Variants in KLHL24 observed in about 807,000 individuals in gnomAD.
KLHL24 encodes kelch-like protein 24.
KLHL24 carries 29 observed loss-of-function variants against 53.4 expected under a neutral mutation model. The ratio of observed to expected loss-of-function variants is 0.54; its 90% CI spans 0.40 to 0.74. KLHL24 has a LOEUF of 0.74. KLHL24 is among the 30% of genes least tolerant of loss of function. KLHL24 has a pLI of 0.00. For missense variants in KLHL24, 504 were observed against 744.0 expected, an observed-to-expected ratio of 0.68 and a Z score of 3.75; for synonymous variants, 222 against 253.7, an observed-to-expected ratio of 0.88 and a Z score of 1.19.
chr3:183,677,330 A>G (rs923258799), intron 7 of KLHL24, among the ~76,000 whole-genome samples: 1 of 152,210 alleles, frequency 6.6e-6, no homozygotes. Context: ...AAGAATTTAT[A>G]GAAAGCGCTT....
At position 183,679,342 on chromosome 3, in the gene KLHL24, ACT is replaced by A. The variant is rs1406753126; in HGVS notation, c.*59_*60del. On this transcript the variant is annotated 3_prime_UTR_variant, in exon 8 of 8. Coordinates refer to ENST00000242810, the MANE Select transcript of KLHL24 (RefSeq NM_017644.3). ...TGATCCAAGATGGGAGGTTTTAAAAACTCTACAGTGGGAACTTCACATATCTC... is the reference window on the plus strand; with the variant it reads ...TGATCCAAGATGGGAGGTTTTAAAAACTACAGTGGGAACTTCACATATCTC... 1.1e-5 allele frequency: 15 copies of A among 1,342,070 alleles called. No homozygotes were observed. Among genetic ancestry groups the A allele is most frequent in the Non-Finnish European group, 1.5e-5 (14 of 941,776 alleles). 83.1% of individuals were successfully genotyped at this position (1,342,070 alleles called of 1,614,324 possible).
intron 1 of KLHL24, chr3:183,643,249 C>T (rs1716740612): frequency 6.6e-6 from 1 of 152,158 alleles, no homozygotes; most frequent in African/African-American, 2.4e-5. Context: ...AACAAAAAAA[C>T]TGTCAAGTAA....
In KLHL24 at chr3:183,672,422, A is replaced by T; in HGVS notation, c.1540A>T (p.Ile514Leu). 6.2e-7 allele frequency: 1 copy of T among 1,613,756 alleles called. No homozygotes were observed. Among genetic ancestry groups the T allele is most frequent in the East Asian group, 2.2e-5 (1 of 44,860 alleles). ...IYVAGGLTKA[I>L]YCYDPVEDYW... Reference sequence around the variant, plus strand: ...TGTTGCCGGTGGACTGACCAAGGCAATATACTGTTACGATCCAGTTGAAGA... The same window carrying T: ...TGTTGCCGGTGGACTGACCAAGGCATTATACTGTTACGATCCAGTTGAAGA... Residue 514 changes from isoleucine (I) to leucine (L), a missense_variant, in exon 7 of 8, where the codon ATA (isoleucine) becomes TTA (leucine). Physicochemically the swap from Ile to Leu is conservative, Grantham distance 5. Coordinates refer to ENST00000242810, the MANE Select transcript of KLHL24 (RefSeq NM_017644.3).
At chr3:183,648,320 A>G (rs1156354527) in intron 2 of KLHL24, among the ~76,000 whole-genome samples, 3 of 152,200 alleles carry the variant, frequency 2.0e-5, no homozygotes, top group Admixed American at 2.0e-4. Flanking sequence ...GATGTTACGT[A>G]TTTTATTTCC....
intron 7 of KLHL24, among the ~76,000 whole-genome samples, chr3:183,673,199 C>T (rs1338055392): frequency 6.6e-6 from 1 of 151,962 alleles, no homozygotes; most frequent in Admixed American, 6.6e-5. Flanking sequence ...GAGTGAGACT[C>T]CGTCTCAAAA....
intron 7 of KLHL24, among the ~76,000 whole-genome samples, chr3:183,676,993 A>C (rs544878411): frequency 1.8e-4 from 27 of 151,900 alleles, no homozygotes; most frequent in African/African-American, 6.5e-4. Context: ...TATATTGATA[A>C]ATTATTGTTC....
intron 1 of KLHL24, among the ~76,000 whole-genome samples, chr3:183,637,581 G>A (rs1715529384): frequency 6.6e-6 from 1 of 152,126 alleles, no homozygotes; most frequent in South Asian, 2.1e-4. Context: ...TGAGTTAATA[G>A]GGTATTTGCG....
At position 183,679,532 on chromosome 3, in the gene KLHL24, TTG is replaced by T. The variant is rs1219850255; in HGVS notation, c.*248_*249del. 1.4e-5 allele frequency: 6 copies of T among 423,416 alleles called. No homozygotes were observed. Among genetic ancestry groups the T allele is most frequent in the Non-Finnish European group, 2.1e-5 (5 of 235,814 alleles). 26.2% of individuals were successfully genotyped at this position (423,416 alleles called of 1,614,324 possible). A position where few individuals can be genotyped will look rare whatever the true frequency, so the allele number is the denominator to read the frequency against. On this transcript the variant is annotated 3_prime_UTR_variant, in exon 8 of 8. Transcript: ENST00000242810. ...TACTTGGCCTTTGAAGAGTGTACCT[TTG>T]TAAGTATTTGTAAGAAGTCTATGTG...
intron 7 of KLHL24, among the ~76,000 whole-genome samples, chr3:183,675,219 A>G (rs1298249543): frequency 1.3e-5 from 2 of 152,192 alleles, no homozygotes; most frequent in Non-Finnish European, 2.9e-5. Context: ...CTTATTTGCA[A>G]GATACATTAG....
intron 3 of KLHL24, among the ~76,000 whole-genome samples, chr3:183,659,984 C>G (rs955468679): frequency 1.3e-5 from 2 of 151,636 alleles, no homozygotes; most frequent in Non-Finnish European, 2.9e-5. Flanking sequence ...TTCTTTTGTT[C>G]TTTCTTAACT....
chr3:183,642,602 CAAAAAAAAAA>C (rs377410456), intron 1 of KLHL24, among the ~76,000 whole-genome samples: 40,389 of 92,818 alleles, frequency 0.44, 6,288 homozygotes, highest in East Asian at 0.58. Context: ...CCCCTTCCAC[CAAAAAAAAAA>C]AAAAAAAAAA....
chr3:183,668,735 T>C (rs970817983), intron 5 of KLHL24, among the ~76,000 whole-genome samples: 1 of 152,074 alleles, frequency 6.6e-6, no homozygotes, highest in East Asian at 1.9e-4. Context: ...TGAAACCCTG[T>C]CTCTACAAAA....
chr3:183,657,072 G>T (rs1719012608), intron 3 of KLHL24, among the ~76,000 whole-genome samples: 1 of 150,346 alleles, frequency 6.7e-6, no homozygotes, highest in Non-Finnish European at 1.5e-5. Flanking sequence ...TGGTAGTGTG[G>T]TTCTGATGCT....
intron 5 of KLHL24, among the ~76,000 whole-genome samples, chr3:183,669,220 C>T (rs576805350): frequency 7.2e-5 from 11 of 152,090 alleles, no homozygotes; most frequent in Admixed American, 5.9e-4. Context: ...AGCATGGTGG[C>T]GGGCACCTGT....
chr3:183,667,968 C>T (rs1221492789), intron 5 of KLHL24, among the ~76,000 whole-genome samples: 1 of 151,152 alleles, frequency 6.6e-6, no homozygotes, highest in Non-Finnish European at 1.5e-5. Flanking sequence ...TTGCTTCAGC[C>T]TCCCGAAGTG....
At chr3:183,653,128 C>T (rs1357099231) in intron 3 of KLHL24, among the ~76,000 whole-genome samples, 1 of 152,128 alleles carries the variant, frequency 6.6e-6, no homozygotes, top group Non-Finnish European at 1.5e-5. Flanking sequence ...CACAGTGAAA[C>T]ATCTATTTAT....
intron 3 of KLHL24, among the ~76,000 whole-genome samples, chr3:183,656,905 GAAAAAAAAAAAAAGAC>G (rs1292127007): frequency 1.5e-5 from 2 of 129,896 alleles, no homozygotes; most frequent in African/African-American, 2.6e-5. Context: ...CCAGAAAAAG[GAAAAAAAAAAAAAGAC>G]AAAAAAAAAA....
intron 1 of KLHL24, among the ~76,000 whole-genome samples, chr3:183,640,369 T>A (rs1716189308): frequency 6.6e-6 from 1 of 152,212 alleles, no homozygotes; most frequent in South Asian, 2.1e-4. Context: ...ATAGTATTCT[T>A]TTTTAGTTAA....
chr3:183,642,149 G>C (rs182674648), intron 1 of KLHL24, among the ~76,000 whole-genome samples: 185 of 152,320 alleles, frequency 1.2e-3, no homozygotes, highest in African/African-American at 4.0e-3. Flanking sequence ...GCCAGTGACA[G>C]ACATAAACTA....
Sources: gnomAD v4.1 joint callset for allele counts (sites outside exome capture counted in the v4.1 genomes callset) on GRCh38, gnomAD v4.1.1 for gene constraint, MANE v1.5 for transcripts, NCBI Gene and HGNC (gene_info 2026-07-23, HGNC 2026-07-21) for gene names.